Variants in CLUAP1 observed in about 807,000 individuals in gnomAD.
CLUAP1 encodes the protein clusterin-associated protein 1.
A neutral mutation model predicts 55.0 loss-of-function variants in CLUAP1; 50 were observed. The ratio of observed to expected loss-of-function variants is 0.91; its 90% confidence interval spans 0.72 to 1.15. CLUAP1 has a LOEUF of 1.15. Ranked by LOEUF, CLUAP1 falls within the 50% of genes most tolerant of loss-of-function variation. CLUAP1 has a pLI of 0.00. For missense variants in CLUAP1, 530 were observed against 507.6 expected, an observed-to-expected ratio of 1.04 and a Z score of -0.42; for synonymous variants, 195 against 175.4, an observed-to-expected ratio of 1.11 and a Z score of -0.88.
rs1019597107 is a variant in CLUAP1 at position 3,537,475 on chromosome 16, C to T, written c.*1204C>T. 1 of 151,740 alleles carries T rather than the reference C, an allele frequency of 6.6e-6. No homozygotes were observed. The highest frequency in any genetic ancestry group is 1.5e-5 in the Non-Finnish European group (1 of 68,016). The allele number at this position is 151,740 out of a possible 1,614,324, so 9.4% of individuals were successfully genotyped here. A position where few individuals can be genotyped will look rare whatever the true frequency, so the allele number is the denominator to read the frequency against. ...CTTGAGCCCAGGAGTTTTAGACTAGCCTGGACAACTAAGTGAGACTCCATC... is the reference window on the plus strand; with the variant it reads ...CTTGAGCCCAGGAGTTTTAGACTAGTCTGGACAACTAAGTGAGACTCCATC... On this transcript the variant is annotated 3_prime_UTR_variant, in exon 12 of 12. Coordinates refer to ENST00000576634, the MANE Select transcript of CLUAP1 (RefSeq NM_015041.3).
chr16:3,497,180 T>G (rs1192689449), upstream of CLUAP1, among the ~76,000 whole-genome samples: 1 of 151,946 alleles, frequency 6.6e-6, no homozygotes, highest in Non-Finnish European at 1.5e-5. Context: ...AACCTGATCT[T>G]GTATGTAGGA....
intron 11 of CLUAP1, chr16:3,534,584 T>G (rs998088200): frequency 2.0e-5 from 3 of 152,552 alleles, no homozygotes; most frequent in African/African-American, 7.2e-5. Flanking sequence ...AGGTCAGAGG[T>G]GACGGTGCTT....
Position 3,511,229 on chromosome 16 carries a change from G to C in CLUAP1, c.400-1154G>C, listed in dbSNP as rs191070237. On this transcript the variant is annotated intron_variant, in intron 4 of 11. Coordinates refer to ENST00000576634, the MANE Select transcript of CLUAP1 (RefSeq NM_015041.3). ...GTTGTTGCTAGTGGGTTGAAAATGAGAGCCAGAAGGTGAGGATTGGTTGTC... is the reference window on the plus strand; with the variant it reads ...GTTGTTGCTAGTGGGTTGAAAATGACAGCCAGAAGGTGAGGATTGGTTGTC... Among the ~76,000 whole-genome samples, 255 of 152,322 alleles carry C rather than the reference G, an allele frequency of 1.7e-3. 4 individuals are homozygous for C. The highest frequency in any genetic ancestry group is 5.8e-3 in the African/African-American group (241 of 41,570).
intron 1 of CLUAP1, among the ~76,000 whole-genome samples, 176 bp from the exon 2 acceptor site, chr16:3,504,544 A>AT: frequency 6.6e-6 from 1 of 152,186 alleles, no homozygotes; most frequent in Non-Finnish European, 1.5e-5. Context: ...TTTAGGTAGC[A>AT]TTTTTGGTAT....
chr16:3,531,963 C>T (rs2038128964), intron 10 of CLUAP1, among the ~76,000 whole-genome samples: 7 of 152,024 alleles, frequency 4.6e-5, no homozygotes. Context: ...CCTGCAATCC[C>T]AAGTAGCTGG....
chr16:3,509,134 C>T (rs1384124562), intron 4 of CLUAP1, among the ~76,000 whole-genome samples: 1 of 152,058 alleles, frequency 6.6e-6, no homozygotes, highest in African/African-American at 2.4e-5. Flanking sequence ...GTGGTACACA[C>T]CTGTGGTCCC....
At chr16:3,521,991 C>T (rs187862803) in intron 7 of CLUAP1, among the ~76,000 whole-genome samples, 43 of 151,906 alleles carry the variant, frequency 2.8e-4, no homozygotes, top group African/African-American at 9.9e-4. Flanking sequence ...CCCAGGCGTT[C>T]GATGCTGCAG....
intron 6 of CLUAP1, 87 bp downstream of exon 6, chr16:3,515,678 A>G: frequency 1.2e-6 from 1 of 861,968 alleles, no homozygotes; most frequent in Non-Finnish European, 1.7e-6. Flanking sequence ...AGAACAAGCT[A>G]GGCTTAGTAA....
intron 4 of CLUAP1, among the ~76,000 whole-genome samples, chr16:3,509,450 C>T (rs751967284): frequency 1.6e-4 from 25 of 152,190 alleles, no homozygotes; most frequent in African/African-American, 2.9e-4. Flanking sequence ...GCTGCTGAGC[C>T]GCCATCAGAC....
chr16:3,536,167 G>A lies in CLUAP1; in HGVS notation c.1138G>A (p.Glu380Lys), dbSNP rs774543364. 15 of 1,614,030 alleles carry A rather than the reference G, an allele frequency of 9.3e-6. No individual in the cohort carries two copies. The highest frequency in any genetic ancestry group is 1.3e-5 in the Non-Finnish European group (15 of 1,180,016). The change falls in exon 12 of 12, where the codon GAG becomes AAG. Residue 380 changes from glutamate (E) to lysine (K), a missense_variant. Transcript: ENST00000576634. Reference protein sequence around the residue: ...SEIDMEDDDDEDDDLEDESIS... With the variant: ...SEIDMEDDDDKDDDLEDESIS... ...AATTGACATGGAAGATGATGATGAC[G>A]AGGATGACGATTTGGAAGACGAGAG...
At position 3,504,760 on chromosome 16, in the gene CLUAP1, T is replaced by C; in HGVS notation, c.63T>C (p.His21=). ...TGAGAGCCCTGGGATACCCTCGACA[T>C]ATTTCTATGGAAAATTTCCGTACAC... is the stretch of plus-strand genomic sequence containing the variant. ...EMMRALGYPR[H]ISMENFRTPN... The change falls in exon 2 of 12, where the codon CAT becomes CAC. Residue 21 remains histidine (H), a synonymous_variant. Coordinates refer to ENST00000576634, the MANE Select transcript of CLUAP1 (RefSeq NM_015041.3). The C allele has an allele frequency of 1.9e-6, 3 of 1,613,274 alleles. No individual in the cohort carries two copies. The highest frequency in any genetic ancestry group is 2.5e-6 in the Non-Finnish European group (3 of 1,179,158).
chr16:3,529,544 TTATATATTA>T lies in CLUAP1; in HGVS notation c.929-1018_929-1010del, dbSNP rs1272074366. 5.7e-3 allele frequency among the ~76,000 whole-genome samples: 279 copies of T among 49,058 alleles called. 14 individuals carry two copies. Among genetic ancestry groups the T allele is most frequent in the African/African-American group, 0.023 (273 of 11,922 alleles). The allele number at this position is 49,058 out of a possible 152,430, so 32.2% of individuals were successfully genotyped here. On this transcript the variant is annotated intron_variant, in intron 9 of 11. Coordinates refer to ENST00000576634, the MANE Select transcript of CLUAP1 (RefSeq NM_015041.3). ...ATATATTATTATATGTTATATATTA[TTATATATTA>T]TATATTATTATATATTATATATTAT...
At chr16:3,532,740 A>G (rs780231322) in intron 10 of CLUAP1, 46 bp from the exon 11 acceptor site, 1 of 1,602,782 alleles carries the variant, frequency 6.2e-7, no homozygotes, top group South Asian at 1.1e-5. Flanking sequence ...TTCCTGCTTT[A>G]TTTTCCAAGA....
chr16:3,529,568 TTA>T (rs1376068714), intron 9 of CLUAP1, among the ~76,000 whole-genome samples: 6 of 44,790 alleles, frequency 1.3e-4, no homozygotes, highest in Non-Finnish European at 2.2e-4. Flanking sequence ...TTATTATATA[TTA>T]TATATTATAT....
chr16:3,495,793 C>G, the CLUAP1 span, among the ~76,000 whole-genome samples: 1 of 152,038 alleles, frequency 6.6e-6, no homozygotes, highest in African/African-American at 2.4e-5. Context: ...CTAGGAAGAC[C>G]TAGGTCGGTA....
intron 4 of CLUAP1, among the ~76,000 whole-genome samples, chr16:3,510,629 C>T (rs77600680): frequency 0.034 from 5,182 of 152,260 alleles, 246 homozygotes; most frequent in African/African-American, 0.1. Context: ...CTGTGCTGTA[C>T]TCTACGGGAA....
intron 6 of CLUAP1, 67 bp downstream of exon 6, chr16:3,515,658 C>A: frequency 1.8e-6 from 2 of 1,097,772 alleles, no homozygotes; most frequent in Admixed American, 2.4e-5. Flanking sequence ...ATTTCTTGCC[C>A]ATACAAGACA....
At chr16:3,522,521 A>T (rs147665341) in intron 7 of CLUAP1, among the ~76,000 whole-genome samples, 163 of 152,122 alleles carry the variant, frequency 1.1e-3, no homozygotes, top group Non-Finnish European at 1.5e-3. Context: ...TGATTTGGAG[A>T]GATGTGTCTG....
At chr16:3,507,008 A>G (rs2037519503) in intron 3 of CLUAP1, among the ~76,000 whole-genome samples, 1 of 151,484 alleles carries the variant, frequency 6.6e-6, no homozygotes, top group African/African-American at 2.4e-5. Context: ...TATCCTGGCT[A>G]GCAGGGTGAA....
Sources: gnomAD v4.1 joint callset for allele counts (sites outside exome capture counted in the v4.1 genomes callset) on GRCh38, gnomAD v4.1.1 for gene constraint, MANE v1.5 for transcripts, NCBI Gene and HGNC (gene_info 2026-07-23, HGNC 2026-07-21) for gene names.